ZNF654: variants seen among roughly 807,000 people sequenced by gnomAD.
ZNF654 encodes melanoma-associated antigen.
Under a neutral mutation model 95.3 loss-of-function variants are expected in ZNF654, and 19 were observed. The observed-to-expected ratio is 0.20, with a 90% CI of 0.14 to 0.29. The LOEUF (loss-of-function observed/expected upper bound fraction) is 0.29, where lower values mean the gene tolerates loss of function less well. Ranked by LOEUF, ZNF654 falls within the 10% of genes least tolerant of loss-of-function variation. The probability of loss-of-function intolerance (pLI) is 1.00; values close to 1 mark genes in which losing one functional copy is unlikely to be tolerated. For missense variants in ZNF654, 1,046 were observed against 1,341.0 expected (o/e 0.78, Z 3.44); for synonymous variants, 413 against 457.9 (o/e 0.90, Z 1.25).
rs79262892 is a variant in ZNF654 at position 88,110,542 on chromosome 3, T to C, written c.333-2573T>C. On this transcript the variant is annotated intron_variant, in intron 2 of 8. Transcript: ENST00000636215. ...CTAACCATTCATTTCTCATGTACTA[T>C]ACAAAAACTGGCCTTGCTCGGGCCA... Among the ~76,000 whole-genome samples, 157 of 152,250 alleles carry C rather than the reference T, an allele frequency of 1.0e-3. 2 individuals carry two copies. The East Asian group carries it at 0.029, about 28-fold the overall frequency.
chr3:88,095,654 C>T (rs773055285), intron 2 of ZNF654: 4 of 485,462 alleles, frequency 8.2e-6, no homozygotes, highest in Non-Finnish European at 1.6e-5. Flanking sequence ...TATCATCACT[C>T]TGTTCTCTTT....
At chr3:88,129,964 G>A in intron 6 of ZNF654, 138 bp downstream of exon 6, 4 of 688,176 alleles carry the variant, frequency 5.8e-6, no homozygotes, top group Non-Finnish European at 8.5e-6. Context: ...AGGAACAATA[G>A]TAGATTCTAA....
intron 2 of ZNF654, among the ~76,000 whole-genome samples, chr3:88,108,034 T>C (rs4858931): frequency 0.71 from 107,222 of 151,766 alleles, 41,601 homozygotes; most frequent in South Asian, 0.91. Flanking sequence ...ATAAATTTAT[T>C]TGTGGTAATT....
At chr3:88,105,494 T>G (rs2107735201) in intron 2 of ZNF654, among the ~76,000 whole-genome samples, 1 of 152,326 alleles carries the variant, frequency 6.6e-6, no homozygotes, top group South Asian at 2.1e-4. Context: ...ATTAATATCC[T>G]TTTGGATACC....
intron 2 of ZNF654, among the ~76,000 whole-genome samples, chr3:88,112,242 A>C (rs1705135009): frequency 6.6e-6 from 1 of 151,068 alleles, no homozygotes; most frequent in Non-Finnish European, 1.5e-5. Flanking sequence ...TTTACATTTT[A>C]TAATTTTAGT....
At chr3:88,078,526 T>C (rs1235338956) in intron 1 of ZNF654, among the ~76,000 whole-genome samples, 1 of 152,114 alleles carries the variant, frequency 6.6e-6, no homozygotes, top group African/African-American at 2.4e-5. Flanking sequence ...TAGGGGCAAA[T>C]ATTCTGTTTT....
chr3:88,081,851 T>G (rs1708093402), intron 1 of ZNF654, among the ~76,000 whole-genome samples: 2 of 152,202 alleles, frequency 1.3e-5, no homozygotes, highest in African/African-American at 4.8e-5. Context: ...TTACTGTTGC[T>G]GTAGAGTCAT....
At chr3:88,088,217 A>G (rs1377872574) in intron 2 of ZNF654, among the ~76,000 whole-genome samples, 1 of 152,204 alleles carries the variant, frequency 6.6e-6, no homozygotes, top group Admixed American at 6.5e-5. Context: ...ATCAGTCAAG[A>G]AACTCCAGAC....
At chr3:88,103,920 C>T (rs556988254) in intron 2 of ZNF654, among the ~76,000 whole-genome samples, 1 of 152,024 alleles carries the variant, frequency 6.6e-6, no homozygotes, top group East Asian at 1.9e-4. Context: ...GTGCCCGCCC[C>T]TATGCCTGGC....
At chr3:88,123,446 C>T (rs1371503574) in intron 3 of ZNF654, among the ~76,000 whole-genome samples, 1 of 152,010 alleles carries the variant, frequency 6.6e-6, no homozygotes, top group African/African-American at 2.4e-5. Context: ...ATAATGTAAT[C>T]ATTTATGGGA....
intron 8 of ZNF654, among the ~76,000 whole-genome samples, chr3:88,141,395 A>G (rs1447294960): frequency 6.6e-6 from 1 of 152,112 alleles, no homozygotes; most frequent in Non-Finnish European, 1.5e-5. Flanking sequence ...TAAAAGTTGT[A>G]ATTTTGATGG....
At chr3:88,118,831 T>C (rs553674284) in intron 3 of ZNF654, among the ~76,000 whole-genome samples, 1 of 152,042 alleles carries the variant, frequency 6.6e-6, no homozygotes, top group African/African-American at 2.4e-5. Flanking sequence ...AAAACCACAA[T>C]GAGATACCAT....
intron 1 of ZNF654, among the ~76,000 whole-genome samples, chr3:88,073,431 T>G (rs1434707826): frequency 6.6e-6 from 1 of 152,122 alleles, no homozygotes; most frequent in Non-Finnish European, 1.5e-5. Flanking sequence ...AAATACTGTT[T>G]TAAGATACCA....
chr3:88,133,724 C>T (rs186369069), intron 6 of ZNF654, among the ~76,000 whole-genome samples: 1 of 152,110 alleles, frequency 6.6e-6, no homozygotes, highest in Non-Finnish European at 1.5e-5. Flanking sequence ...AGCATAAGCA[C>T]TAAATGAAAT....
At chr3:88,072,491 T>A (rs569964342) in intron 1 of ZNF654, among the ~76,000 whole-genome samples, 62 of 152,338 alleles carry the variant, frequency 4.1e-4, no homozygotes, top group Non-Finnish European at 2.6e-4. Context: ...ACTAGTGTCT[T>A]TGCCACTCCT....
intron 1 of ZNF654, among the ~76,000 whole-genome samples, chr3:88,063,269 CCTTA>C (rs1706990844): frequency 1.3e-5 from 2 of 152,090 alleles, no homozygotes; most frequent in South Asian, 2.1e-4. Context: ...TTGGCTGTAC[CCTTA>C]CTTTGGGACT....
chr3:88,140,532 T>A lies in ZNF654; in HGVS notation c.2863T>A (p.Leu955Met). 6.2e-7 allele frequency: 1 copy of A among 1,613,758 alleles called. No individual in the cohort carries two copies. The highest frequency in any genetic ancestry group is 8.5e-7 in the Non-Finnish European group (1 of 1,179,736). The change falls in exon 8 of 9, where the codon TTG becomes ATG. Residue 955 changes from leucine to methionine, a missense_variant. By Grantham distance (15) the Leu-to-Met change is conservative. This residue lies in a region of ZNF654 where 495 missense variants were observed against 537.0 expected (regional missense o/e 0.92). Transcript: ENST00000636215. ...RSDDTVSNIS[L>M]IDQKMPDIEP... The stretch of plus-strand genomic sequence containing the variant: ...TGATGACACTGTTTCAAATATAAGC[T>A]TGATAGACCAAAAGATGCCTGACAT...
chr3:88,092,781 A>T (rs1399201841), intron 2 of ZNF654, among the ~76,000 whole-genome samples: 1 of 152,168 alleles, frequency 6.6e-6, no homozygotes, highest in East Asian at 1.9e-4. Context: ...AAGTTACTAT[A>T]TTCTCTGGCA....
intron 1 of ZNF654, among the ~76,000 whole-genome samples, chr3:88,061,436 C>A (rs536659727): frequency 5.9e-5 from 9 of 152,240 alleles, no homozygotes; most frequent in Non-Finnish European, 1.2e-4. Flanking sequence ...TTTTCTATTG[C>A]TAAATTATGT....
Sources: gnomAD v4.1 joint callset for allele counts (sites outside exome capture counted in the v4.1 genomes callset) on GRCh38, gnomAD v4.1.1 for gene constraint, gnomAD v4.1.1 regional missense constraint, MANE v1.5 for transcripts, NCBI Gene and HGNC (gene_info 2026-07-23, HGNC 2026-07-21) for gene names.